Variants in MAGI2 observed in about 807,000 individuals in gnomAD.
MAGI2 encodes the protein membrane associated guanylate kinase, WW and PDZ domain containing 2, also known as membrane-associated guanylate kinase, WW and PDZ domain-containing protein 2.
Under a neutral mutation model 133.3 loss-of-function variants are expected in MAGI2, and 35 were observed. The ratio of observed to expected loss-of-function variants is 0.26; its 90% CI spans 0.20 to 0.35. MAGI2 has a LOEUF of 0.35. Among genes scored for constraint, MAGI2 ranks in the 10% least tolerant of loss-of-function variants. MAGI2 has a pLI of 1.00. For synonymous variants in MAGI2, 729 were observed against 710.6 expected, an observed-to-expected ratio of 1.03 and a Z score of -0.41; for missense variants, 1,636 against 1,863.4, an observed-to-expected ratio of 0.88 and a Z score of 2.25.
At chr7:79,313,389 A>G (rs1248858766) in intron 1 of MAGI2, among the ~76,000 whole-genome samples, 1 of 152,158 alleles carries the variant, frequency 6.6e-6, no homozygotes, top group Non-Finnish European at 1.5e-5. Context: ...CTTGATAAAT[A>G]GAACTCTTCC....
chr7:78,189,481 A>G lies in MAGI2; in HGVS notation c.2270-3811T>C, dbSNP rs540654388. Among the ~76,000 whole-genome samples the G allele has an allele frequency of 6.6e-5, 10 of 152,356 alleles. No individual in the cohort carries two copies. The East Asian group carries it at 1.7e-3, about 26-fold the overall frequency. On this transcript the variant is annotated intron_variant, in intron 12 of 21. Coordinates refer to ENST00000354212, the MANE Select transcript of MAGI2 (RefSeq NM_012301.4). ...ATTTCTGTTCTAAAGAGGTTATACC[A>G]TAAGGCACATTACACCATACGGATC...
At chr7:78,409,660 T>A (rs531055510) in intron 6 of MAGI2, among the ~76,000 whole-genome samples, 1 of 152,100 alleles carries the variant, frequency 6.6e-6, no homozygotes, top group Non-Finnish European at 1.5e-5. Flanking sequence ...GTGTTTAAAG[T>A]CTCATTTTTG....
intron 2 of MAGI2, among the ~76,000 whole-genome samples, chr7:78,837,556 T>C (rs1791747236): frequency 6.6e-6 from 1 of 152,146 alleles, no homozygotes; most frequent in South Asian, 2.1e-4. Flanking sequence ...GTAATTAATT[T>C]CTTTTAAAAA....
chr7:78,435,076 C>G (rs758844467), intron 6 of MAGI2, among the ~76,000 whole-genome samples: 7 of 152,140 alleles, frequency 4.6e-5, no homozygotes, highest in Non-Finnish European at 1.0e-4. Context: ...ACTTTGCCAC[C>G]TGTGTCATCT....
intron 16 of MAGI2, among the ~76,000 whole-genome samples, chr7:78,154,041 G>A (rs1202771078): frequency 1.3e-5 from 2 of 152,174 alleles, no homozygotes; most frequent in Non-Finnish European, 2.9e-5. Flanking sequence ...CATGGTTAGT[G>A]AGGTGAGTTT....
At chr7:79,213,251 T>C (rs1017694455) in intron 1 of MAGI2, among the ~76,000 whole-genome samples, 3 of 140,258 alleles carry the variant, frequency 2.1e-5, no homozygotes, top group Admixed American at 2.1e-4. Context: ...TATATGTGGG[T>C]GTGTATATAT....
chr7:78,644,234 TTC>T (rs1356315241), intron 2 of MAGI2, among the ~76,000 whole-genome samples: 1 of 152,196 alleles, frequency 6.6e-6, no homozygotes, highest in African/African-American at 2.4e-5. Flanking sequence ...ACTGAGAGAT[TTC>T]AACACTTCTC....
intron 2 of MAGI2, among the ~76,000 whole-genome samples, chr7:78,826,351 TA>T (rs1212068156): frequency 0.07 from 5,014 of 71,344 alleles, 243 homozygotes; most frequent in African/African-American, 0.21. Flanking sequence ...AGACTCCGTC[TA>T]AAAAAAAAAA....
intron 2 of MAGI2, among the ~76,000 whole-genome samples, chr7:78,645,028 T>A (rs1257039261): frequency 6.7e-6 from 1 of 150,160 alleles, no homozygotes; most frequent in African/African-American, 2.4e-5. Context: ...ATGAACAAAA[T>A]TTTTGAAAGA....
intron 3 of MAGI2, among the ~76,000 whole-genome samples, chr7:78,597,589 C>G (rs188627418): frequency 1.3e-3 from 204 of 152,258 alleles, no homozygotes; most frequent in African/African-American, 4.7e-3. Flanking sequence ...AGGCAGAGAT[C>G]ATTTATACAT....
intron 9 of MAGI2, among the ~76,000 whole-genome samples, chr7:78,257,122 A>G (rs1793070160): frequency 6.6e-6 from 1 of 152,242 alleles, no homozygotes; most frequent in Non-Finnish European, 1.5e-5. Flanking sequence ...TTCCATGTAT[A>G]TGCGAGCAAA....
intron 1 of MAGI2, among the ~76,000 whole-genome samples, chr7:79,131,770 G>C (rs572546770): frequency 2.0e-5 from 3 of 151,938 alleles, no homozygotes; most frequent in Admixed American, 6.6e-5. Context: ...AAACTTTCTT[G>C]AATTTAAATT....
intron 2 of MAGI2, among the ~76,000 whole-genome samples, chr7:78,683,898 G>C (rs1340520047): frequency 6.6e-6 from 1 of 152,118 alleles, no homozygotes; most frequent in Non-Finnish European, 1.5e-5. Context: ...TTTTTGCCTG[G>C]CTCTTGTTTT....
intron 9 of MAGI2, among the ~76,000 whole-genome samples, chr7:78,306,057 G>A (rs2151084444): frequency 6.6e-6 from 1 of 152,264 alleles, no homozygotes; most frequent in South Asian, 2.1e-4. Flanking sequence ...AATACCCATT[G>A]CAAGTCGTTG....
At chr7:79,195,487 A>T (rs1041997581) in intron 1 of MAGI2, among the ~76,000 whole-genome samples, 15 of 152,072 alleles carry the variant, frequency 9.9e-5, no homozygotes, top group African/African-American at 3.6e-4. Context: ...AGGAAAATGC[A>T]TTTGTATTTT....
At chr7:79,224,580 T>C (rs373826380) in intron 1 of MAGI2, among the ~76,000 whole-genome samples, 7 of 152,140 alleles carry the variant, frequency 4.6e-5, no homozygotes, top group East Asian at 3.9e-4. Context: ...TGTTCATCAA[T>C]TGGGGAATGA....
intron 2 of MAGI2, among the ~76,000 whole-genome samples, chr7:78,801,395 T>C (rs1583944450): frequency 6.6e-6 from 1 of 152,148 alleles, no homozygotes; most frequent in Non-Finnish European, 1.5e-5. Flanking sequence ...AAACTAGGTT[T>C]ATAACTGGGG....
At chr7:79,074,036 C>G (rs189133211) in intron 1 of MAGI2, among the ~76,000 whole-genome samples, 1 of 152,016 alleles carries the variant, frequency 6.6e-6, no homozygotes, top group East Asian at 1.9e-4. Context: ...TTCATAATAC[C>G]CAGACAGAGA....
At chr7:78,028,485 TCTATGTA>T (rs1468916735) in intron 21 of MAGI2, among the ~76,000 whole-genome samples, 1 of 152,204 alleles carries the variant, frequency 6.6e-6, no homozygotes, top group Admixed American at 6.5e-5. Context: ...CTGAGAGCCT[TCTATGTA>T]CTAGGAACTC....
Sources: gnomAD v4.1 joint callset for allele counts (sites outside exome capture counted in the v4.1 genomes callset) on GRCh38, gnomAD v4.1.1 for gene constraint, MANE v1.5 for transcripts, NCBI Gene and HGNC (gene_info 2026-07-23, HGNC 2026-07-21) for gene names.